Variants in PSG5 observed in about 807,000 individuals in gnomAD.
The protein encoded by PSG5 is pregnancy specific beta-1-glycoprotein 5.
Under a neutral mutation model 37.7 loss-of-function variants are expected in PSG5, and 53 were observed. The ratio of observed to expected loss-of-function variants is 1.41; its 90% CI spans 1.13 to 1.77. The LOEUF (loss-of-function observed/expected upper bound fraction) is 1.77, where lower values mean the gene tolerates loss of function less well. PSG5 is among the 40% of genes most tolerant of loss of function. The pLI, the probability that PSG5 is intolerant of heterozygous loss-of-function variation, is 0.00. For missense variants in PSG5, 547 were observed against 405.2 expected, an observed-to-expected ratio of 1.35 and a Z score of -3.00; for synonymous variants, 221 against 155.4, an observed-to-expected ratio of 1.42 and a Z score of -3.14.
At position 43,186,481 on chromosome 19, in the gene PSG5, T is replaced by C; in HGVS notation, c.-76A>G. On this transcript the variant is annotated 5_prime_UTR_variant, in exon 1 of 6. Transcript: ENST00000342951. ...AAACTTCCTGAGCACGGCTGTAGGC[T>C]GTGCTGTCCTTCCTCCTTCTGTGCT... 1 of 1,591,520 alleles carries C rather than the reference T, an allele frequency of 6.3e-7. No homozygotes were observed. Among genetic ancestry groups the C allele is most frequent in the South Asian group, 1.1e-5 (1 of 89,190 alleles).
At position 43,186,454 on chromosome 19, in the gene PSG5, A is replaced by C. The variant is rs887358879; in HGVS notation, c.-49T>G. ...CTCTGTGGAGCTGAGCCTAGGATCC[A>C]GAAACTTCCTGAGCACGGCTGTAGG... On this transcript the variant is annotated 5_prime_UTR_variant, in exon 1 of 6. Transcript: ENST00000342951. 1 of 1,609,138 alleles carries C rather than the reference A, an allele frequency of 6.2e-7. No individual in the cohort carries two copies. The highest frequency in any genetic ancestry group is 8.5e-7 in the Non-Finnish European group (1 of 1,176,960).
At chr19:43,184,273 C>T (rs1969195339) in intron 2 of PSG5, among the ~76,000 whole-genome samples, 1 of 151,722 alleles carries the variant, frequency 6.6e-6, no homozygotes, top group Non-Finnish European at 1.5e-5. Context: ...CCAGGAGACA[C>T]AGTCCTCAGA....
chr19:43,184,942 T>C lies in PSG5; in HGVS notation c.270A>G (p.Ile90Met), dbSNP rs770631825. The C allele has an allele frequency of 1.2e-5, 19 of 1,612,400 alleles. No individual in the cohort carries two copies. The highest frequency in any genetic ancestry group is 1.2e-4 in the Admixed American group (7 of 59,860). The change falls in exon 2 of 6, where the codon ATA becomes ATG. Residue 90 changes from isoleucine to methionine, a missense_variant. By Grantham distance (10) the Ile-to-Met change is conservative (BLOSUM62 1). Coordinates refer to ENST00000342951, the MANE Select transcript of PSG5 (RefSeq NM_002781.4). ...TSYVVDGQIN[I>M]YGPAYTGRET... ...CTCGTCCAGTGTATGCAGGCCCATA[T>C]ATATTTATTTGACCGTCTACTACAT...
intron 2 of PSG5, chr19:43,183,523 A>G: frequency 1.9e-6 from 1 of 518,364 alleles, no homozygotes; most frequent in Admixed American, 2.0e-5. Context: ...CATGACAGTG[A>G]CATGGGCACT....
Position 43,175,545 on chromosome 19 carries a change from A to C in PSG5, c.710-76T>G. On this transcript the variant is annotated intron_variant, in intron 3 of 5. Transcript: ENST00000342951. ...TGCTCCTGGTCTCTTAAAGGGACAC[A>C]GTGACCCTCTGAGCCAAGACACACC... The C allele has an allele frequency of 3.3e-6, 5 of 1,531,678 alleles. No individual in the cohort carries two copies. The South Asian group carries it at 5.2e-5, about 16-fold the overall frequency. 94.9% of individuals were successfully genotyped at this position (1,531,678 alleles called of 1,614,324 possible). A position where few individuals can be genotyped will look rare whatever the true frequency, so the allele number is the denominator to read the frequency against.
At chr19:43,179,040 T>G in intron 2 of PSG5, 1 of 1,612,734 alleles carries the variant, frequency 6.2e-7, no homozygotes, top group South Asian at 1.1e-5. Flanking sequence ...GCTCTGACCA[T>G]TCATCCACCA....
At position 43,172,062 on chromosome 19, in the gene PSG5, G is replaced by C. The variant is rs1481782498; in HGVS notation, c.965-1924C>G. ...TTCTAATAAAATAATGATTATGAAA[G>C]TACTATAAATAATTTTATGCAAATA... On this transcript the variant is annotated intron_variant, in intron 4 of 5. Coordinates refer to ENST00000342951, the MANE Select transcript of PSG5 (RefSeq NM_002781.4). 2.7e-5 allele frequency among the ~76,000 whole-genome samples: 4 copies of C among 149,790 alleles called. No individual in the cohort carries two copies. The East Asian group carries it at 7.8e-4, about 29-fold the overall frequency.
intron 2 of PSG5, among the ~76,000 whole-genome samples, chr19:43,176,602 C>A (rs1969017282): frequency 6.6e-6 from 1 of 151,398 alleles, no homozygotes; most frequent in African/African-American, 2.4e-5. Flanking sequence ...AATAATGGGA[C>A]TTCCCATTGT....
In PSG5 at chr19:43,176,990, G is replaced by T. The variant is rs185502686; in HGVS notation, c.431-842C>A. Among the ~76,000 whole-genome samples, 78 of 151,822 alleles carry T rather than the reference G, an allele frequency of 5.1e-4. 2 individuals carry two copies. The highest frequency in any genetic ancestry group is 1.3e-3 in the East Asian group (7 of 5,188). ...AAATGCAGAACTGATTGGTAGAAAG[G>T]GTGGGAATGAACTGCTGGAAATCTG... On this transcript the variant is annotated intron_variant, in intron 2 of 5. Transcript: ENST00000342951.
intron 2 of PSG5, among the ~76,000 whole-genome samples, chr19:43,179,872 AT>A (rs368090015): frequency 0.046 from 6,971 of 151,770 alleles, 343 homozygotes; most frequent in Non-Finnish European, 0.063. Context: ...GACCAAGACC[AT>A]TGTTCCCTGT....
At chr19:43,173,049 C>A (rs1249081681) in intron 4 of PSG5, among the ~76,000 whole-genome samples, 1 of 151,748 alleles carries the variant, frequency 6.6e-6, no homozygotes, top group Non-Finnish European at 1.5e-5. Flanking sequence ...AATGAAATAT[C>A]ATAGCCCAGA....
rs1160275387 is a variant in PSG5, at chr19:43,175,455, G to A, written c.724C>T (p.Pro242Ser). 2 of 1,610,154 alleles carry A rather than the reference G, an allele frequency of 1.2e-6. No individual in the cohort carries two copies. Among genetic ancestry groups the A allele is most frequent in the Non-Finnish European group, 8.5e-7 (1 of 1,177,816 alleles). ...TLNVLYGPDLPSIYPSFTYYR... is the reference protein window; with the variant it reads ...TLNVLYGPDLSSIYPSFTYYR... ...TAGGTGAATGAAGGGTAAATGCTGG[G>A]GAGGTCTGGACCATCTGGAGCAAAG... Residue 242 changes from proline to serine, a missense_variant, in exon 4 of 6, where the codon CCC (proline) becomes TCC (serine). By Grantham distance (74) the Pro-to-Ser change is moderately conservative. Coordinates refer to ENST00000342951, the MANE Select transcript of PSG5 (RefSeq NM_002781.4).
intron 4 of PSG5, chr19:43,171,599 A>G (rs1968906220): frequency 4.0e-6 from 2 of 494,894 alleles, no homozygotes; most frequent in South Asian, 8.2e-5. Context: ...TCTTCAAAAT[A>G]AAATCAACAA....
At chr19:43,171,866 G>A (rs774524618) in intron 4 of PSG5, among the ~76,000 whole-genome samples, 3 of 150,838 alleles carry the variant, frequency 2.0e-5, no homozygotes, top group South Asian at 2.1e-4. Flanking sequence ...TAGCATCTTG[G>A]GAGGCTGAAG....
chr19:43,185,265 CAA>C, intron 1 of PSG5, 118 bp from the exon 2 acceptor site: 7 of 1,245,462 alleles, frequency 5.6e-6, no homozygotes, highest in Non-Finnish European at 7.9e-6. Flanking sequence ...CACACACACA[CAA>C]ACACACACAC....
intron 2 of PSG5, among the ~76,000 whole-genome samples, chr19:43,178,278 A>G (rs1181384202): frequency 6.6e-6 from 1 of 151,596 alleles, no homozygotes; most frequent in Non-Finnish European, 1.5e-5. Flanking sequence ...TGGCTGAGTT[A>G]TGGATGAAAC....
intron 2 of PSG5, among the ~76,000 whole-genome samples, chr19:43,181,465 A>AT (rs977708581): frequency 2.8e-4 from 42 of 150,090 alleles, no homozygotes; most frequent in African/African-American, 8.9e-4. Context: ...CTCTAACAGC[A>AT]TTTTTTTTTC....
intron 2 of PSG5, among the ~76,000 whole-genome samples, chr19:43,181,199 C>G (rs1487351317): frequency 2.0e-5 from 3 of 151,520 alleles, no homozygotes; most frequent in Non-Finnish European, 4.4e-5. Flanking sequence ...CAACTGGTCC[C>G]CAAAACCACC....
chr19:43,183,304 C>G (rs1415044198), intron 2 of PSG5: 1 of 398,552 alleles, frequency 2.5e-6, no homozygotes, highest in Non-Finnish European at 5.1e-6. Flanking sequence ...TGGATGTCAG[C>G]CTCTGAAGGA....
Sources: allele counts gnomAD v4.1 joint callset (sites outside exome capture counted in the v4.1 genomes callset), GRCh38; gene constraint gnomAD v4.1.1; transcripts MANE v1.5; gene names NCBI Gene and HGNC (gene_info 2026-07-23, HGNC 2026-07-21).